The following GPM6A variants were observed in gnomAD, a reference collection of about 807,000 sequenced individuals.
The protein encoded by GPM6A is neuronal membrane glycoprotein M6-a.
A neutral mutation model predicts 32.1 loss-of-function variants in GPM6A; 7 were observed. The observed-to-expected ratio is 0.22, with a 90% CI of 0.12 to 0.41. The LOEUF is 0.41. Among genes scored for constraint, GPM6A ranks in the 10% least tolerant of loss-of-function variants. The probability of loss-of-function intolerance (pLI) is 1.00; values close to 1 mark genes in which losing one functional copy is unlikely to be tolerated. For missense variants in GPM6A, 235 were observed against 347.2 expected (o/e 0.68, Z 2.57); for synonymous variants, 130 against 123.4 (o/e 1.05, Z -0.35).
intron 1 of GPM6A, among the ~76,000 whole-genome samples, chr4:175,734,263 CT>C (rs1487259753): frequency 1.3e-5 from 2 of 151,786 alleles, no homozygotes; most frequent in African/African-American, 2.4e-5. Flanking sequence ...GTTCCCTTGT[CT>C]TTAGCTGTTC....
chr4:175,830,218 T>A (rs1242790857), intron 1 of GPM6A, among the ~76,000 whole-genome samples: 1 of 152,170 alleles, frequency 6.6e-6, no homozygotes, highest in Non-Finnish European at 1.5e-5. Flanking sequence ...GCCCATGAGC[T>A]AGCAGTGATG....
At chr4:175,722,887 TA>T (rs33929858) in intron 1 of GPM6A, among the ~76,000 whole-genome samples, 5 of 148,342 alleles carry the variant, frequency 3.4e-5, no homozygotes, top group South Asian at 2.1e-4. Flanking sequence ...ACAAAGAAAT[TA>T]AAAAAAAAAA....
Position 175,930,694 on chromosome 4 carries a change from C to T in GPM6A, c.-23+71615G>A, listed in dbSNP as rs1229131566. ...AATTTGAAGACTTCTATCAAGAATC[C>T]TGGCATTTTTCCTGCAGATAAAATG... On this transcript the variant is annotated intron_variant, in intron 1 of 7. Coordinates refer to the GPM6A transcript ENST00000280187. Among the ~76,000 whole-genome samples, 7 of 152,076 alleles carry T rather than the reference C, an allele frequency of 4.6e-5. No homozygotes were observed. The East Asian group carries it at 1.4e-3, about 29-fold the overall frequency.
chr4:175,731,219 A>C (rs1731417055), intron 1 of GPM6A, among the ~76,000 whole-genome samples: 1 of 152,164 alleles, frequency 6.6e-6, no homozygotes, highest in Non-Finnish European at 1.5e-5. Flanking sequence ...GCCCCTGCTT[A>C]GCTGGAGTTT....
intron 1 of GPM6A, among the ~76,000 whole-genome samples, chr4:175,879,181 T>C (rs996557504): frequency 1.3e-5 from 2 of 152,156 alleles, no homozygotes; most frequent in Non-Finnish European, 2.9e-5. Flanking sequence ...ATTCACCAAG[T>C]CTCTAGGAGG....
intron 1 of GPM6A, among the ~76,000 whole-genome samples, chr4:175,945,495 T>C (rs112154621): frequency 6.6e-6 from 1 of 151,996 alleles, no homozygotes; most frequent in Admixed American, 6.6e-5. Flanking sequence ...TACACACCCA[T>C]ATTACTTAGT....
intron 1 of GPM6A, among the ~76,000 whole-genome samples, chr4:175,900,304 GAAGGAAAGGAAAGGA>G (rs70962429): frequency 0.31 from 39,005 of 127,818 alleles, 6,218 homozygotes; most frequent in Middle Eastern, 0.39. Context: ...GAAAAGAAAA[GAAGGAAAGGAAAGGA>G]AAGGAAAGGA....
intron 1 of GPM6A, among the ~76,000 whole-genome samples, chr4:175,948,063 T>A (rs1371284815): frequency 6.6e-6 from 1 of 152,108 alleles, no homozygotes; most frequent in African/African-American, 2.4e-5. Flanking sequence ...TCCAAACACA[T>A]CCCATTTCAG....
intron 1 of GPM6A, among the ~76,000 whole-genome samples, chr4:175,879,855 A>G (rs1458227920): frequency 6.6e-6 from 1 of 152,238 alleles, no homozygotes; most frequent in Non-Finnish European, 1.5e-5. Flanking sequence ...TAATAATAAA[A>G]TAATATTGAA....
chr4:175,724,141 T>G (rs1746282386), intron 1 of GPM6A, among the ~76,000 whole-genome samples: 1 of 152,210 alleles, frequency 6.6e-6, no homozygotes, highest in East Asian at 1.9e-4. Context: ...AGAAGGAAAT[T>G]CTGTCATTTG....
At chr4:175,660,486 T>C (rs981111511) in intron 3 of GPM6A, among the ~76,000 whole-genome samples, 5 of 152,154 alleles carry the variant, frequency 3.3e-5, no homozygotes, top group African/African-American at 1.2e-4. Flanking sequence ...ATATATTATG[T>C]GAAAAAATAG....
intron 3 of GPM6A, among the ~76,000 whole-genome samples, chr4:175,668,887 A>T (rs1172698961): frequency 1.3e-5 from 2 of 152,188 alleles, no homozygotes; most frequent in African/African-American, 4.8e-5. Context: ...CTATTAAATG[A>T]ACTCAAATAA....
chr4:175,807,434 G>A (rs1158553539), intron 1 of GPM6A: 1 of 152,160 alleles, frequency 6.6e-6, no homozygotes, highest in Admixed American at 6.5e-5. Flanking sequence ...TTACTTAGAG[G>A]TCTTTCGATT....
At chr4:175,846,389 G>T (rs1232437446) in intron 1 of GPM6A, among the ~76,000 whole-genome samples, 4 of 152,062 alleles carry the variant, frequency 2.6e-5, no homozygotes, top group Admixed American at 2.6e-4. Context: ...ATATTGAAAA[G>T]AAACTTCAAA....
intron 1 of GPM6A, among the ~76,000 whole-genome samples, chr4:175,767,843 G>T (rs1375121238): frequency 1.3e-5 from 2 of 152,188 alleles, no homozygotes; most frequent in African/African-American, 4.8e-5. Flanking sequence ...ACATCCCAAG[G>T]CCTCCAGGTT....
chr4:175,824,764 T>A (rs113336050), intron 1 of GPM6A, among the ~76,000 whole-genome samples: 6 of 152,294 alleles, frequency 3.9e-5, no homozygotes, highest in African/African-American at 1.4e-4. Context: ...CATATTTTTT[T>A]CTTATTATTT....
chr4:175,848,096 G>T (rs910179798), intron 1 of GPM6A, among the ~76,000 whole-genome samples: 4 of 152,106 alleles, frequency 2.6e-5, no homozygotes, highest in Non-Finnish European at 4.4e-5. Flanking sequence ...CTTTTCCATT[G>T]TTAATTGGCA....
intron 1 of GPM6A, among the ~76,000 whole-genome samples, chr4:175,886,587 C>T (rs542621849): frequency 6.6e-6 from 1 of 152,048 alleles, no homozygotes; most frequent in South Asian, 2.1e-4. Flanking sequence ...TGCGTCACAT[C>T]ATTTGTGCAT....
chr4:175,769,502 A>G (rs1733104059), intron 1 of GPM6A, among the ~76,000 whole-genome samples: 2 of 152,234 alleles, frequency 1.3e-5, no homozygotes, highest in South Asian at 2.1e-4. Context: ...AAATCAATGG[A>G]CCTTTTTGCC....
Sources: allele counts gnomAD v4.1 joint callset (sites outside exome capture counted in the v4.1 genomes callset), GRCh38; gene constraint gnomAD v4.1.1; transcripts MANE v1.5; gene names NCBI Gene and HGNC (gene_info 2026-07-23, HGNC 2026-07-21).